The following DLGAP1 variants were observed in gnomAD, a reference collection of about 807,000 sequenced individuals.
DLGAP1 encodes the protein DLG associated protein 1, also known as disks large-associated protein 1.
A neutral mutation model predicts 90.8 loss-of-function variants in DLGAP1; 11 were observed. That is an observed-to-expected ratio of 0.12 (90% CI 0.08 to 0.20). The LOEUF (loss-of-function observed/expected upper bound fraction) is 0.20. Ranked by LOEUF, DLGAP1 falls within the 10% of genes least tolerant of loss-of-function variation. DLGAP1 has a pLI of 1.00. For synonymous variants in DLGAP1, 558 were observed against 540.7 expected (o/e 1.03, Z -0.44); for missense variants, 1,050 against 1,333.8 (o/e 0.79, Z 3.31).
intron 3 of DLGAP1, among the ~76,000 whole-genome samples, chr18:3,906,929 C>T (rs891251787): frequency 5.3e-5 from 8 of 151,986 alleles, no homozygotes; most frequent in Non-Finnish European, 8.8e-5. Context: ...AATGAATATA[C>T]GTTTGTATTT....
At chr18:3,748,829 T>C (rs16945363) in intron 5 of DLGAP1, among the ~76,000 whole-genome samples, 4,850 of 152,286 alleles carry the variant, frequency 0.032, 185 homozygotes, top group African/African-American at 0.081. Flanking sequence ...TCAATCTGCT[T>C]TGGTAAAACG....
chr18:4,035,347 AAAAAACAAAAACAACAAC>A (rs1459843182), intron 2 of DLGAP1, among the ~76,000 whole-genome samples: 9 of 152,296 alleles, frequency 5.9e-5, no homozygotes, highest in Admixed American at 2.6e-4. Flanking sequence ...ACCTTGTCTC[AAAAAACAAAAACAACAAC>A]AAAAACAAAA....
At chr18:4,367,016 A>AAAAG (rs1393177964) in intron 1 of DLGAP1, among the ~76,000 whole-genome samples, 1 of 150,534 alleles carries the variant, frequency 6.6e-6, no homozygotes, top group African/African-American at 2.4e-5. Flanking sequence ...AAAAAAAAAA[A>AAAAG]AAAAAAAAAA....
chr18:3,499,439 C>T lies in DLGAP1; in HGVS notation c.2725-45G>A, dbSNP rs1303823323. The T allele has an allele frequency of 5.2e-6, 8 of 1,542,392 alleles. No individual in the cohort carries two copies. The highest frequency in any genetic ancestry group is 7.0e-6 in the Non-Finnish European group (8 of 1,142,918). On this transcript the variant is annotated intron_variant, in intron 12 of 12. Transcript: ENST00000315677. The surrounding 1 kb of genome is among the most constrained non-coding windows in gnomAD (Gnocchi z 6.4). The stretch of plus-strand genomic sequence containing the variant: ...CAGGACATTACACAGCTTCTCAGGA[C>T]AAGCTTGGGAAAAACTGGGATAGGT...
intron 10 of DLGAP1, among the ~76,000 whole-genome samples, chr18:3,514,297 T>C (rs1368200430): frequency 6.6e-6 from 1 of 152,108 alleles, no homozygotes. Flanking sequence ...AATTCTTACA[T>C]GATGCTACAC....
chr18:3,795,676 T>C (rs928199205), intron 5 of DLGAP1, among the ~76,000 whole-genome samples: 3 of 151,992 alleles, frequency 2.0e-5, no homozygotes, highest in Non-Finnish European at 4.4e-5. Context: ...GAGATGAGGG[T>C]CTCACTATGT....
chr18:3,533,367 C>A (rs1252300105), intron 10 of DLGAP1, among the ~76,000 whole-genome samples: 2 of 152,196 alleles, frequency 1.3e-5, no homozygotes, highest in Non-Finnish European at 2.9e-5. Context: ...AAATGTGTTT[C>A]TTTGGCAGCT....
At chr18:4,243,943 A>G (rs1343145220) in intron 1 of DLGAP1, among the ~76,000 whole-genome samples, 3 of 152,190 alleles carry the variant, frequency 2.0e-5, no homozygotes, top group African/African-American at 7.2e-5. Flanking sequence ...TCAGACCTTC[A>G]GAAAAATTAA....
At chr18:4,076,368 A>G (rs990595658) in intron 2 of DLGAP1, among the ~76,000 whole-genome samples, 1 of 152,134 alleles carries the variant, frequency 6.6e-6, no homozygotes, top group African/African-American at 2.4e-5. Context: ...CAGGAACTAT[A>G]TTTTTATGTA....
intron 1 of DLGAP1, among the ~76,000 whole-genome samples, chr18:4,216,804 C>T (rs2077968114): frequency 6.6e-6 from 1 of 152,078 alleles, no homozygotes; most frequent in Non-Finnish European, 1.5e-5. Context: ...CCTAACATCA[C>T]TCAGTTTCCT....
In DLGAP1 at chr18:3,551,665, C is replaced by CTT. The variant is rs1555677457; in HGVS notation, c.2057+15823_2057+15824dup. Among the ~76,000 whole-genome samples, 3 of 64,396 alleles carry CTT rather than the reference C, an allele frequency of 4.7e-5. 1 individual carries two copies. Among genetic ancestry groups the CTT allele is most frequent in the African/African-American group, 1.8e-4 (3 of 16,422 alleles). 42.2% of individuals were successfully genotyped at this position (64,396 alleles called of 152,430 possible). A position where few individuals can be genotyped will look rare whatever the true frequency, so the allele number is the denominator to read the frequency against. ...CTTTCTCTCTCTCTTTGTCTCTTTCCTTCTTTCTTTTCCCTCCCCTCCCTC... is the reference window on the plus strand; with the variant it reads ...CTTTCTCTCTCTCTTTGTCTCTTTCCTTTTCTTTCTTTTCCCTCCCCTCCCTC... On this transcript the variant is annotated intron_variant, in intron 9 of 12. Transcript: ENST00000315677.
At chr18:3,813,900 C>T (rs2066962560) in intron 5 of DLGAP1, among the ~76,000 whole-genome samples, 159 bp downstream of exon 5, 1 of 152,086 alleles carries the variant, frequency 6.6e-6, no homozygotes, top group African/African-American at 2.4e-5. Flanking sequence ...TACAAAGGGA[C>T]TGGGGTACGG....
chr18:4,133,563 C>T (rs948117901), intron 2 of DLGAP1, among the ~76,000 whole-genome samples: 6 of 152,138 alleles, frequency 3.9e-5, no homozygotes, highest in Non-Finnish European at 7.3e-5. Flanking sequence ...TATTATGCCA[C>T]AGTGGCTAAG....
chr18:4,092,420 G>C (rs1167973963), intron 2 of DLGAP1, among the ~76,000 whole-genome samples: 1 of 152,176 alleles, frequency 6.6e-6, no homozygotes, highest in Non-Finnish European at 1.5e-5. Context: ...CCTCCTCCCA[G>C]TGTCAACCAA....
At chr18:3,755,864 T>C (rs2147857351) in intron 5 of DLGAP1, among the ~76,000 whole-genome samples, 1 of 152,260 alleles carries the variant, frequency 6.6e-6, no homozygotes, top group East Asian at 1.9e-4. Flanking sequence ...CCAGAATACA[T>C]ACTATTTTCA....
intron 1 of DLGAP1, among the ~76,000 whole-genome samples, chr18:4,297,865 C>T (rs2080023923): frequency 6.6e-6 from 1 of 152,032 alleles, no homozygotes; most frequent in Admixed American, 6.6e-5. Context: ...TTTGGGGGTT[C>T]CTCTCCCATG....
At chr18:3,814,911 T>C (rs1427205418) in intron 4 of DLGAP1, among the ~76,000 whole-genome samples, 1 of 152,218 alleles carries the variant, frequency 6.6e-6, no homozygotes, top group East Asian at 1.9e-4. Flanking sequence ...CATTAACCTT[T>C]CAATAACAAT....
chr18:4,040,446 C>T (rs772125871), intron 2 of DLGAP1, among the ~76,000 whole-genome samples: 26 of 152,154 alleles, frequency 1.7e-4, no homozygotes, highest in Non-Finnish European at 2.2e-4. Flanking sequence ...TATACAATTA[C>T]GAAACATTCA....
At chr18:4,265,103 T>TTTCCTTCCTTCCTTCCTTCCTTCCTTCC (rs150589333) in intron 1 of DLGAP1, among the ~76,000 whole-genome samples, 16 of 139,700 alleles carry the variant, frequency 1.1e-4, no homozygotes, top group African/African-American at 4.4e-4. Context: ...TAATGTAATT[T>TTTCCTTCCTTCCTTCCTTCCTTCCTTCC]TTCCTTCCTT....
Sources: gnomAD v4.1 joint callset for allele counts (sites outside exome capture counted in the v4.1 genomes callset) on GRCh38, gnomAD v4.1.1 for gene constraint, Gnocchi (gnomAD v3.1) non-coding constraint, MANE v1.5 for transcripts, NCBI Gene and HGNC (gene_info 2026-07-23, HGNC 2026-07-21) for gene names.